TYW1: variants seen among roughly 807,000 people sequenced by gnomAD.
TYW1 encodes S-adenosyl-L-methionine-dependent tRNA 4-demethylwyosine synthase TYW1.
Under a neutral mutation model 96.2 loss-of-function variants are expected in TYW1, and 46 were observed. That is an observed-to-expected ratio of 0.48 (90% CI 0.38 to 0.61). The LOEUF (loss-of-function observed/expected upper bound fraction) is 0.61. Among genes scored for constraint, TYW1 ranks in the 20% least tolerant of loss-of-function variants. The pLI, the probability that TYW1 is intolerant of heterozygous loss-of-function variation, is 0.00. For synonymous variants in TYW1, 274 were observed against 323.0 expected (o/e 0.85, Z 1.63); for missense variants, 684 against 909.6 (o/e 0.75, Z 3.19).
chr7:67,029,411 G>GTATA (rs1388432409), intron 7 of TYW1, among the ~76,000 whole-genome samples: 1 of 106,920 alleles, frequency 9.4e-6, no homozygotes, highest in South Asian at 2.8e-4. Context: ...GTGTGTGTGT[G>GTATA]TGTGTATATA....
chr7:67,129,311 C>G (rs561778082), intron 13 of TYW1, among the ~76,000 whole-genome samples: 1 of 152,304 alleles, frequency 6.6e-6, no homozygotes, highest in African/African-American at 2.4e-5. Flanking sequence ...GGATTTCCCC[C>G]TGTATACTTA....
chr7:67,163,949 G>A (rs1033848123), intron 13 of TYW1, among the ~76,000 whole-genome samples: 3 of 152,110 alleles, frequency 2.0e-5, no homozygotes, highest in East Asian at 1.9e-4. Context: ...GATTACAAGC[G>A]TAAACCACCA....
At chr7:67,118,771 T>G (rs1242312433) in intron 13 of TYW1, among the ~76,000 whole-genome samples, 1 of 149,754 alleles carries the variant, frequency 6.7e-6, no homozygotes, top group Non-Finnish European at 1.5e-5. Flanking sequence ...TCCCAGCTAC[T>G]CAGGAGGCTA....
chr7:67,027,854 C>T (rs372405850), intron 7 of TYW1, among the ~76,000 whole-genome samples: 7 of 149,442 alleles, frequency 4.7e-5, no homozygotes, highest in South Asian at 2.1e-4. Context: ...GGCGTGAACC[C>T]GGGAGGCAGA....
At chr7:67,112,562 G>A (rs1797455807) in intron 12 of TYW1, among the ~76,000 whole-genome samples, 1 of 151,268 alleles carries the variant, frequency 6.6e-6, no homozygotes, top group South Asian at 2.1e-4. Flanking sequence ...GTTGTGGTGA[G>A]CCAAGATCAT....
At chr7:67,083,305 G>A (rs1796441020) in intron 10 of TYW1, 125 bp from the exon 11 acceptor site, 2 of 860,826 alleles carry the variant, frequency 2.3e-6, no homozygotes, top group Non-Finnish European at 3.7e-6. Flanking sequence ...ACTATACATG[G>A]TTGAACTCTT....
intron 13 of TYW1, among the ~76,000 whole-genome samples, chr7:67,152,844 G>A (rs1281460703): frequency 1.4e-4 from 22 of 152,070 alleles, no homozygotes; most frequent in African/African-American, 2.2e-4. Flanking sequence ...CTGGTGATCC[G>A]CCTGCCTGGG....
At chr7:66,999,198 G>T (rs962039538) in intron 3 of TYW1, among the ~76,000 whole-genome samples, 1 of 152,108 alleles carries the variant, frequency 6.6e-6, no homozygotes, top group African/African-American at 2.4e-5. Context: ...GTCTTGAGGG[G>T]GCCTTTGTTC....
At chr7:67,056,492 CAAAA>C (rs911271482) in intron 9 of TYW1, among the ~76,000 whole-genome samples, 2 of 65,880 alleles carry the variant, frequency 3.0e-5, no homozygotes, top group Admixed American at 1.7e-4. Context: ...GATTCCATCT[CAAAA>C]AAAAAAAAAA....
At chr7:67,207,867 C>A (rs1167302310) in intron 15 of TYW1, among the ~76,000 whole-genome samples, 2 of 151,886 alleles carry the variant, frequency 1.3e-5, no homozygotes, top group African/African-American at 4.8e-5. Context: ...ACTACAGGTG[C>A]CTGACACCAT....
chr7:67,016,096 C>T (rs1794014364), intron 5 of TYW1, among the ~76,000 whole-genome samples: 1 of 151,600 alleles, frequency 6.6e-6, no homozygotes, highest in African/African-American at 2.4e-5. Context: ...AACTTGGCTC[C>T]TTTTGCATCC....
rs58974881 is a variant in TYW1 at position 67,212,671 on chromosome 7, G to GT, written c.1977+17343dup. ...ATTTGGTGTATATCACGGTTTTTTT[G>GT]TTTTTTTTTGTTTTTTTTGAGGTTT... is the stretch of plus-strand genomic sequence containing the variant. On this transcript the variant is annotated intron_variant, in intron 15 of 15. Transcript: ENST00000359626. 1.1e-3 allele frequency among the ~76,000 whole-genome samples: 160 copies of GT among 150,536 alleles called. 1 individual carries two copies. Among genetic ancestry groups the GT allele is most frequent in the Middle Eastern group, 3.4e-3 (1 of 292 alleles).
chr7:67,229,911 CA>C (rs1379795252), intron 15 of TYW1, among the ~76,000 whole-genome samples: 1 of 152,156 alleles, frequency 6.6e-6, no homozygotes, highest in African/African-American at 2.4e-5. Context: ...ATGATTGCAC[CA>C]CTGCACTCCA....
At chr7:67,097,689 C>T (rs571583912) in intron 11 of TYW1, among the ~76,000 whole-genome samples, 16 of 151,854 alleles carry the variant, frequency 1.1e-4, no homozygotes, top group African/African-American at 1.4e-4. Flanking sequence ...TGAGCCACTG[C>T]GCCCAGCCTA....
At chr7:67,067,081 G>A (rs1286939485) in intron 9 of TYW1, 8 of 587,600 alleles carry the variant, frequency 1.4e-5, no homozygotes, top group Admixed American at 3.0e-5. Context: ...TGAATCATAG[G>A]TTTATTTCAC....
intron 11 of TYW1, among the ~76,000 whole-genome samples, chr7:67,095,751 C>G (rs528917291): frequency 4.9e-4 from 75 of 152,128 alleles, no homozygotes; most frequent in African/African-American, 1.8e-3. Context: ...CTCTGCATCT[C>G]TTTGCCAGCC....
intron 3 of TYW1, among the ~76,000 whole-genome samples, chr7:67,005,742 C>G (rs754821473): frequency 6.6e-5 from 10 of 152,216 alleles, no homozygotes; most frequent in African/African-American, 1.7e-4. Context: ...TGTTTGAAAA[C>G]TTAGGTGAAG....
chr7:67,022,921 T>A (rs1052427515), intron 6 of TYW1, among the ~76,000 whole-genome samples: 1 of 152,144 alleles, frequency 6.6e-6, no homozygotes, highest in African/African-American at 2.4e-5. Context: ...AGATCGTCCG[T>A]GATAATCCTA....
chr7:67,014,673 A>G (rs370852196), intron 5 of TYW1, 112 bp downstream of exon 5: 22 of 1,264,336 alleles, frequency 1.7e-5, no homozygotes, highest in Admixed American at 1.1e-4. Flanking sequence ...ACACACATGT[A>G]TGTGAAATAA....
Sources: allele counts gnomAD v4.1 joint callset (sites outside exome capture counted in the v4.1 genomes callset), GRCh38; gene constraint gnomAD v4.1.1; transcripts MANE v1.5; gene names NCBI Gene and HGNC (gene_info 2026-07-23, HGNC 2026-07-21).